COL13A1: variants seen among roughly 807,000 people sequenced by gnomAD.
COL13A1 encodes the protein collagen type XIII alpha 1 chain.
A neutral mutation model predicts 130.9 loss-of-function variants in COL13A1; 89 were observed. The observed-to-expected ratio is 0.68, with a 90% CI of 0.57 to 0.81. The LOEUF (loss-of-function observed/expected upper bound fraction) is 0.81. Among genes scored for constraint, COL13A1 ranks in the 30% least tolerant of loss-of-function variants. The pLI, the probability that COL13A1 is intolerant of heterozygous loss-of-function variation, is 0.00. For missense variants in COL13A1, 879 were observed against 934.6 expected (o/e 0.94, Z 0.78); for synonymous variants, 402 against 341.6 (o/e 1.18, Z -1.95).
At chr10:69,823,790 A>G (rs747179418) in intron 2 of COL13A1, among the ~76,000 whole-genome samples, 20 of 152,224 alleles carry the variant, frequency 1.3e-4, no homozygotes, top group Non-Finnish European at 2.6e-4. Context: ...AGCCCTGGGA[A>G]GCTCCCTCCC....
rs1482919887 is a variant in COL13A1 at position 69,919,614 on chromosome 10, T to C, written c.1027-51T>C. 2.3e-5 allele frequency: 9 copies of C among 398,800 alleles called. No homozygotes were observed. The East Asian group carries it at 3.2e-4, about 14-fold the overall frequency. 24.7% of individuals were successfully genotyped at this position (398,800 alleles called of 1,614,324 possible). On this transcript the variant is annotated intron_variant, in intron 20 of 40. Coordinates refer to ENST00000645393, the MANE Select transcript of COL13A1 (RefSeq NM_001368882.1). ...CAATGATCACTGCCCATCCTACCCC[T>C]CACTGCCTGCCCCATCTTCTTATCA... is the stretch of plus-strand genomic sequence containing the variant.
intron 32 of COL13A1, among the ~76,000 whole-genome samples, chr10:69,936,079 GGGAGGGAGGGAA>G (rs2066805312): frequency 1.6e-5 from 2 of 126,512 alleles, no homozygotes; most frequent in African/African-American, 6.3e-5. Context: ...AAGGGAGGGA[GGGAGGGAGGGAA>G]GGAGGGAAGG....
rs56825061 is a variant in COL13A1, at chr10:69,802,338, C to T, written c.-86C>T. The T allele has an allele frequency of 9.5e-3, 12,769 of 1,338,856 alleles. 1,045 individuals are homozygous for T. The African/African-American group carries it at 0.18, about 19-fold the overall frequency. The allele number at this position is 1,338,856 out of a possible 1,614,324, so 82.9% of individuals were successfully genotyped here. ...GCGATACAAGCCCTTTCCCCCTGCC[C>T]CGCAGTTTGGATAGAGCCTTTTGGC... On this transcript the variant is annotated 5_prime_UTR_variant, in exon 1 of 41. Coordinates refer to ENST00000645393, the MANE Select transcript of COL13A1 (RefSeq NM_001368882.1).
chr10:69,849,532 A>G (rs2133472051), intron 2 of COL13A1, among the ~76,000 whole-genome samples: 1 of 152,238 alleles, frequency 6.6e-6, no homozygotes, highest in Non-Finnish European at 1.5e-5. Flanking sequence ...AAGAGAGGAT[A>G]TTGTTTCCTT....
At chr10:69,908,838 A>G (rs1393449770) in intron 17 of COL13A1, among the ~76,000 whole-genome samples, 1 of 152,212 alleles carries the variant, frequency 6.6e-6, no homozygotes, top group Non-Finnish European at 1.5e-5. Context: ...GAAGGATCAT[A>G]CTTTCTTTTG....
intron 2 of COL13A1, among the ~76,000 whole-genome samples, chr10:69,861,374 G>T (rs959955104): frequency 6.6e-6 from 1 of 152,152 alleles, no homozygotes; most frequent in Admixed American, 6.5e-5. Context: ...CTGGGGCCAG[G>T]GCATGAACTA....
chr10:69,929,226 G>A (rs2065786671), intron 28 of COL13A1, among the ~76,000 whole-genome samples: 1 of 151,204 alleles, frequency 6.6e-6, no homozygotes, highest in Admixed American at 6.6e-5. Flanking sequence ...CTGATGCTGT[G>A]GGGCCTGGGT....
chr10:69,909,437 C>A (rs932992581), intron 17 of COL13A1, among the ~76,000 whole-genome samples: 16 of 152,254 alleles, frequency 1.1e-4, no homozygotes, highest in African/African-American at 3.4e-4. Flanking sequence ...CTGCTCCCAA[C>A]CTGTCACTGA....
intron 2 of COL13A1, among the ~76,000 whole-genome samples, chr10:69,828,961 T>TG (rs1355491076): frequency 1.3e-5 from 2 of 152,198 alleles, no homozygotes; most frequent in Admixed American, 1.3e-4. Flanking sequence ...GTAGCTTTTG[T>TG]GGGTTTCCAG....
intron 21 of COL13A1, among the ~76,000 whole-genome samples, chr10:69,921,238 C>A (rs1355973328): frequency 6.6e-6 from 1 of 152,278 alleles, no homozygotes; most frequent in Non-Finnish European, 1.5e-5. Flanking sequence ...GACGTATCAC[C>A]CCAATCTCTG....
intron 2 of COL13A1, among the ~76,000 whole-genome samples, chr10:69,850,238 G>C (rs187511033): frequency 9.9e-5 from 15 of 151,144 alleles, no homozygotes; most frequent in Middle Eastern, 3.4e-3. Flanking sequence ...TGGAACTCTA[G>C]GTAAGTTTAG....
intron 25 of COL13A1, 73 bp downstream of exon 25, chr10:69,925,080 C>A: frequency 7.2e-7 from 1 of 1,389,328 alleles, no homozygotes; most frequent in Non-Finnish European, 9.5e-7. Context: ...AGACAGGTCT[C>A]AATTAATATT....
intron 1 of COL13A1, among the ~76,000 whole-genome samples, chr10:69,810,086 G>C (rs3936738): frequency 0.45 from 68,988 of 151,920 alleles, 16,211 homozygotes; most frequent in East Asian, 0.57. Context: ...TTTAGAGCCA[G>C]AGAGGGGTAA....
chr10:69,936,141 G>A (rs1454931940), intron 32 of COL13A1, among the ~76,000 whole-genome samples: 1 of 3,454 alleles, frequency 2.9e-4, no homozygotes, highest in East Asian at 0.029. Context: ...AGGAAGGAAG[G>A]AAGGAAGGAA....
chr10:69,818,074 C>G (rs1406186453), intron 1 of COL13A1, among the ~76,000 whole-genome samples: 2 of 152,184 alleles, frequency 1.3e-5, no homozygotes, highest in Non-Finnish European at 2.9e-5. Flanking sequence ...TTCCCACCTG[C>G]CTTCTCTCCC....
chr10:69,826,825 T>C (rs980418259), intron 2 of COL13A1, among the ~76,000 whole-genome samples: 5 of 152,130 alleles, frequency 3.3e-5, no homozygotes, highest in Non-Finnish European at 7.4e-5. Context: ...TCTTGTGGCA[T>C]CCTTCTCTGG....
intron 17 of COL13A1, among the ~76,000 whole-genome samples, chr10:69,916,756 G>T (rs2063967576): frequency 1.3e-5 from 2 of 152,146 alleles, no homozygotes; most frequent in African/African-American, 4.8e-5. Context: ...ACATGCCCTT[G>T]GGGAGAGTTA....
chr10:69,838,942 G>A (rs1267999577), intron 2 of COL13A1, among the ~76,000 whole-genome samples: 2 of 152,248 alleles, frequency 1.3e-5, no homozygotes, highest in Non-Finnish European at 2.9e-5. Flanking sequence ...CATTGAAAGT[G>A]CGAAGTGGAT....
At chr10:69,882,122 T>C (rs1427052289) in intron 7 of COL13A1, among the ~76,000 whole-genome samples, 1 of 152,172 alleles carries the variant, frequency 6.6e-6, no homozygotes, top group African/African-American at 2.4e-5. Flanking sequence ...GGGAAGGTCA[T>C]AGAAACAGAA....
Sources: gnomAD v4.1 joint callset for allele counts (sites outside exome capture counted in the v4.1 genomes callset) on GRCh38, gnomAD v4.1.1 for gene constraint, MANE v1.5 for transcripts, NCBI Gene and HGNC (gene_info 2026-07-23, HGNC 2026-07-21) for gene names.